The following DSE variants were observed in gnomAD, a reference collection of about 807,000 sequenced individuals.
The protein encoded by DSE is dermatan-sulfate epimerase.
In DSE, 36 loss-of-function variants were observed where a neutral mutation model predicts 84.4. The observed-to-expected ratio is 0.43, with a 90% CI of 0.33 to 0.56. The LOEUF is 0.56. Ranked by LOEUF, DSE falls within the 20% of genes least tolerant of loss-of-function variation. The pLI, the probability that DSE is intolerant of heterozygous loss-of-function variation, is 0.06. For synonymous variants in DSE, 410 were observed against 430.1 expected (o/e 0.95, Z 0.58); for missense variants, 862 against 1,169.6 (o/e 0.74, Z 3.84).
chr6:116,394,484 A>G lies in DSE; in HGVS notation c.-53-4714A>G, dbSNP rs554178164. Reference sequence around the variant, plus strand: ...AAGGTCTCACTGTGTCACCCAGGCTAGAGTGCAGTGGCACAATTATAGCTC... The same window carrying G: ...AAGGTCTCACTGTGTCACCCAGGCTGGAGTGCAGTGGCACAATTATAGCTC... On this transcript the variant is annotated intron_variant, in intron 1 of 5. Transcript: ENST00000644252. Among the ~76,000 whole-genome samples, 105 of 151,928 alleles carry G rather than the reference A, an allele frequency of 6.9e-4. 1 individual carries two copies. The highest frequency in any genetic ancestry group is 2.5e-3 in the African/African-American group (102 of 41,404).
At position 116,438,243 on chromosome 6, in the gene DSE, C is replaced by A. The variant is rs995301700; in HGVS notation, c.*898C>A. ...TGTTTTTTTAATAGAAAACCTTCTTCAAGTTTATTTTCCTAAATAAACATC... is the reference window on the plus strand; with the variant it reads ...TGTTTTTTTAATAGAAAACCTTCTTAAAGTTTATTTTCCTAAATAAACATC... On this transcript the variant is annotated 3_prime_UTR_variant, in exon 6 of 6. Transcript: ENST00000644252. 6.6e-6 allele frequency: 1 copy of A among 152,458 alleles called. No individual in the cohort carries two copies. The highest frequency in any genetic ancestry group is 1.5e-5 in the Non-Finnish European group (1 of 67,936). 9.4% of individuals were successfully genotyped at this position (152,458 alleles called of 1,614,324 possible).
At chr6:116,359,492 G>T (rs1332296452) in intron 2 of DSE, among the ~76,000 whole-genome samples, 1 of 152,044 alleles carries the variant, frequency 6.6e-6, no homozygotes, top group African/African-American at 2.4e-5. Flanking sequence ...TATAATTTTA[G>T]TTCAGCTACT....
intron 1 of DSE, chr6:116,254,458 C>T: frequency 8.8e-6 from 3 of 339,088 alleles, no homozygotes; most frequent in Non-Finnish European, 5.9e-6. Flanking sequence ...ACTCACAGGC[C>T]TTCCTTCTTT....
chr6:116,289,817 T>A (rs1774169388), intron 2 of DSE, among the ~76,000 whole-genome samples: 1 of 152,062 alleles, frequency 6.6e-6, no homozygotes, highest in South Asian at 2.1e-4. Context: ...GCCTTGTGAG[T>A]TCTTTGGCTC....
At chr6:116,321,845 A>G (rs1312587546) in intron 2 of DSE, among the ~76,000 whole-genome samples, 3 of 152,174 alleles carry the variant, frequency 2.0e-5, no homozygotes, top group African/African-American at 7.2e-5. Flanking sequence ...ACTGTGTCAT[A>G]AGGGCAGGAA....
intron 2 of DSE, among the ~76,000 whole-genome samples, chr6:116,341,010 G>A (rs930663176): frequency 5.9e-5 from 9 of 152,164 alleles, no homozygotes; most frequent in Admixed American, 1.3e-4. Context: ...ACCCAGTAAT[G>A]GGATTGCTTG....
At chr6:116,258,743 A>G in exon 2 of DSE, 1 of 1,609,626 alleles carries the variant, frequency 6.2e-7, no homozygotes, top group Non-Finnish European at 8.5e-7. Flanking sequence ...ATGCGTGTGG[A>G]GTCCTCCCGG....
At chr6:116,272,594 A>G (rs1049754213) in intron 2 of DSE, among the ~76,000 whole-genome samples, 2 of 152,204 alleles carry the variant, frequency 1.3e-5, no homozygotes, top group Non-Finnish European at 2.9e-5. Context: ...GCAAATTTGA[A>G]TCAATTTGAC....
chr6:116,278,954 T>C (rs1320567756), intron 2 of DSE: 5 of 1,614,110 alleles, frequency 3.1e-6, no homozygotes, highest in Admixed American at 3.3e-5. Flanking sequence ...TGGCCCCTAA[T>C]CATGGCGGAC....
intron 2 of DSE, chr6:116,279,459 G>C (rs775290933): frequency 6.2e-7 from 1 of 1,613,086 alleles, no homozygotes; most frequent in South Asian, 1.1e-5. Context: ...CACCCTGAAC[G>C]CCCTTTTTCA....
In DSE at chr6:116,436,907, C is replaced by A. The variant is rs1393643663; in HGVS notation, c.2439C>A (p.Gly813=). 1 of 1,613,964 alleles carries A rather than the reference C, an allele frequency of 6.2e-7. No individual in the cohort carries two copies. Among genetic ancestry groups the A allele is most frequent in the Non-Finnish European group, 8.5e-7 (1 of 1,180,024 alleles). ...QSKSKKNRRA[G]KRYKFVDAVP... is the part of the protein sequence containing the mutation. ...AGTCAAAGAAAAACCGAAGGGCAGG[C>A]AAACGCTATAAATTTGTGGATGCTG... The change falls in exon 6 of 6, where the codon GGC becomes GGA. Residue 813 remains glycine (G), a synonymous_variant. Transcript: ENST00000644252.
upstream of DSE, among the ~76,000 whole-genome samples, chr6:116,368,941 G>A (rs1212308517): frequency 1.7e-5 from 2 of 121,080 alleles, no homozygotes; most frequent in Non-Finnish European, 3.5e-5. Flanking sequence ...GGGGCGGGGG[G>A]ACGGGGGGGG....
At chr6:116,257,468 T>A (rs1772194315) in intron 1 of DSE, 1 of 152,242 alleles carries the variant, frequency 6.6e-6, no homozygotes, top group Non-Finnish European at 1.5e-5. Flanking sequence ...TGAACTTTCT[T>A]CTTTATCTTC....
chr6:116,393,695 C>A (rs1781053040), intron 1 of DSE, among the ~76,000 whole-genome samples: 1 of 152,188 alleles, frequency 6.6e-6, no homozygotes, highest in Non-Finnish European at 1.5e-5. Flanking sequence ...CAACTCCATG[C>A]CCCATACTGT....
intron 1 of DSE, among the ~76,000 whole-genome samples, chr6:116,385,424 T>C (rs2114958774): frequency 6.6e-6 from 1 of 152,018 alleles, no homozygotes; most frequent in Non-Finnish European, 1.5e-5. Context: ...ATGGTATGGC[T>C]GTATGGTGGT....
At chr6:116,316,085 A>C (rs1775959863) in intron 2 of DSE, among the ~76,000 whole-genome samples, 1 of 152,126 alleles carries the variant, frequency 6.6e-6, no homozygotes, top group Non-Finnish European at 1.5e-5. Context: ...TTGTCCTAAA[A>C]TTCCCAAGTG....
chr6:116,390,087 AT>A (rs796644896), intron 1 of DSE, among the ~76,000 whole-genome samples: 2,438 of 148,528 alleles, frequency 0.016, 73 homozygotes, highest in African/African-American at 0.055. Context: ...TTATTTTATT[AT>A]TTTTTTTTTG....
At chr6:116,317,295 C>T (rs1190138651) in intron 2 of DSE, among the ~76,000 whole-genome samples, 2 of 152,224 alleles carry the variant, frequency 1.3e-5, no homozygotes, top group South Asian at 2.1e-4. Context: ...CAGAACAGAG[C>T]AGCTGGGGCT....
intron 3 of DSE, among the ~76,000 whole-genome samples, chr6:116,428,692 A>T (rs368747744): frequency 2.6e-5 from 4 of 152,348 alleles, no homozygotes; most frequent in African/African-American, 7.2e-5. Context: ...ATTACACCAT[A>T]GTTACAGTAA....
Sources: allele counts gnomAD v4.1 joint callset (sites outside exome capture counted in the v4.1 genomes callset), GRCh38; gene constraint gnomAD v4.1.1; transcripts MANE v1.5; gene names NCBI Gene and HGNC (gene_info 2026-07-23, HGNC 2026-07-21).